The following ITPR1 variants were observed in gnomAD, a reference collection of about 807,000 sequenced individuals.
The protein encoded by ITPR1 is inositol 1,4,5-trisphosphate-gated calcium channel ITPR1.
In ITPR1, 96 loss-of-function variants were observed where a neutral mutation model predicts 318.4. The ratio of observed to expected loss-of-function variants is 0.30; its 90% CI spans 0.26 to 0.36. The LOEUF (loss-of-function observed/expected upper bound fraction) is 0.36, where lower values mean the gene tolerates loss of function less well. ITPR1 is among the 10% of genes least tolerant of loss of function. The pLI, the probability that ITPR1 is intolerant of heterozygous loss-of-function variation, is 1.00. For missense variants in ITPR1, 2,440 were observed against 3,460.2 expected, an observed-to-expected ratio of 0.71 and a Z score of 7.40; for synonymous variants, 1,312 against 1,289.9, an observed-to-expected ratio of 1.02 and a Z score of -0.37.
rs143058475 is a variant in ITPR1, at chr3:4,622,975, C to T, written c.164-4788C>T. Reference sequence around the variant, plus strand: ...AAAGTTCTAGCAGTGGGGAGGAGGGCATGGACACAGTGGGGTTTCTGCTGG... The same window carrying T: ...AAAGTTCTAGCAGTGGGGAGGAGGGTATGGACACAGTGGGGTTTCTGCTGG... On this transcript the variant is annotated intron_variant, in intron 4 of 61. Transcript: ENST00000649015. 8.6e-3 allele frequency among the ~76,000 whole-genome samples: 1,315 copies of T among 152,324 alleles called. 14 individuals are homozygous for T. The highest frequency in any genetic ancestry group is 0.017 in the Middle Eastern group (5 of 294).
At chr3:4,780,461 G>A (rs3805015) in intron 49 of ITPR1, among the ~76,000 whole-genome samples, 90,931 of 151,934 alleles carry the variant, frequency 0.6, 27,577 homozygotes, top group East Asian at 0.75. Context: ...GGTTGGGAGA[G>A]TGTTGCAGGC....
chr3:4,755,299 G>A (rs1214662069), intron 44 of ITPR1, among the ~76,000 whole-genome samples: 1 of 151,844 alleles, frequency 6.6e-6, no homozygotes, highest in African/African-American at 2.4e-5. Context: ...ATAGGGCAGA[G>A]CTTTCCCAGT....
intron 53 of ITPR1, among the ~76,000 whole-genome samples, chr3:4,797,066 A>T (rs2047946809): frequency 6.6e-6 from 1 of 152,016 alleles, no homozygotes; most frequent in South Asian, 2.1e-4. Flanking sequence ...GCAAGGATGC[A>T]TGGTTTGGAA....
At chr3:4,753,136 G>C (rs1273079750) in intron 44 of ITPR1, among the ~76,000 whole-genome samples, 7 of 152,238 alleles carry the variant, frequency 4.6e-5, no homozygotes, top group Admixed American at 3.3e-4. Flanking sequence ...TTGTGCTTGG[G>C]ATGTTGGAGG....
rs189931297 is a variant in ITPR1, at chr3:4,639,393, G to A, written c.289G>A (p.Asp97Asn). ...TCTTCTCAATGCACAGCACGCTGCA[G>A]ACTTGGAAAAGAAGCAGAATGAGAC... is the stretch of plus-strand genomic sequence containing the variant. ...VLLNKLHHAA[D>N]LEKKQNETEN... The change falls in exon 6 of 62, where the codon GAC becomes AAC. Residue 97 changes from aspartate to asparagine, a missense_variant. Physicochemically the swap from Asp to Asn is conservative, Grantham distance 23. Around this residue, in one of 23 missense-constraint regions of ITPR1, gnomAD observed 186 missense variants for 323.9 expected, o/e 0.57. Transcript: ENST00000649015. 6.4e-7 allele frequency: 1 copy of A among 1,568,098 alleles called. No individual in the cohort carries two copies. Among genetic ancestry groups the A allele is most frequent in the East Asian group, 2.4e-5 (1 of 42,342 alleles).
At chr3:4,781,465 G>A (rs1310090765) in intron 49 of ITPR1, among the ~76,000 whole-genome samples, 2 of 152,104 alleles carry the variant, frequency 1.3e-5, no homozygotes, top group African/African-American at 2.4e-5. Flanking sequence ...CCCAGTCCCC[G>A]CTCTCAAGAA....
At chr3:4,736,034 C>A (rs2043240370) in intron 44 of ITPR1, among the ~76,000 whole-genome samples, 1 of 152,164 alleles carries the variant, frequency 6.6e-6, no homozygotes, top group African/African-American at 2.4e-5. Flanking sequence ...CATCTTAGAA[C>A]ATGAATTTTA....
At chr3:4,686,331 A>G (rs977857156) in intron 30 of ITPR1, among the ~76,000 whole-genome samples, 1 of 152,210 alleles carries the variant, frequency 6.6e-6, no homozygotes, top group Non-Finnish European at 1.5e-5. Flanking sequence ...TTCGGTAGCT[A>G]TAAATAAAGT....
chr3:4,525,261 T>A (rs1299480155), intron 4 of ITPR1, among the ~76,000 whole-genome samples: 2 of 152,196 alleles, frequency 1.3e-5, no homozygotes, highest in Non-Finnish European at 2.9e-5. Context: ...CTTATCAAGA[T>A]AATATGCATA....
chr3:4,553,763 G>A lies in ITPR1; in HGVS notation c.163+32669G>A, dbSNP rs899360906. On this transcript the variant is annotated intron_variant, in intron 4 of 61. Coordinates refer to ENST00000649015, the MANE Select transcript of ITPR1 (RefSeq NM_001378452.1). ...TTACAGGTGCCCACCACCACGCCTG[G>A]CTAATTTTTGTATTTTTAGTAGAGA... 5.9e-5 allele frequency among the ~76,000 whole-genome samples: 9 copies of A among 152,196 alleles called. No individual in the cohort carries two copies. In the South Asian group the frequency reaches 1.9e-3, roughly 32 times the overall value.
chr3:4,545,452 G>C (rs557340459), intron 4 of ITPR1, among the ~76,000 whole-genome samples: 1 of 151,850 alleles, frequency 6.6e-6, no homozygotes, highest in Non-Finnish European at 1.5e-5. Context: ...GTGAGACTCC[G>C]TCTCTACAGA....
At chr3:4,684,069 T>C (rs544106443) in intron 28 of ITPR1, among the ~76,000 whole-genome samples, 1 of 152,332 alleles carries the variant, frequency 6.6e-6, no homozygotes, top group South Asian at 2.1e-4. Flanking sequence ...ACTTGGGAAT[T>C]GACCTGTTCT....
At chr3:4,529,058 G>A (rs1464311705) in intron 4 of ITPR1, among the ~76,000 whole-genome samples, 3 of 152,110 alleles carry the variant, frequency 2.0e-5, no homozygotes, top group Non-Finnish European at 2.9e-5. Context: ...CTGGATTGCT[G>A]CCTACTTGCT....
At chr3:4,517,246 G>C (rs369723508) in intron 3 of ITPR1, among the ~76,000 whole-genome samples, 1 of 152,182 alleles carries the variant, frequency 6.6e-6, no homozygotes, top group East Asian at 1.9e-4. Flanking sequence ...AGGTGAAATA[G>C]TCCCAAAGGC....
At chr3:4,822,365 A>C (rs1202751094) in intron 60 of ITPR1, among the ~76,000 whole-genome samples, 2 of 152,222 alleles carry the variant, frequency 1.3e-5, no homozygotes, top group African/African-American at 4.8e-5. Flanking sequence ...TGTCACTAAG[A>C]AAAGTCAGAG....
At chr3:4,566,486 G>A (rs939408551) in intron 4 of ITPR1, among the ~76,000 whole-genome samples, 1 of 152,056 alleles carries the variant, frequency 6.6e-6, no homozygotes, top group African/African-American at 2.4e-5. Flanking sequence ...TAAGGAATAG[G>A]TGGGTCAGTT....
intron 5 of ITPR1, among the ~76,000 whole-genome samples, chr3:4,632,317 A>T (rs991273923): frequency 7.9e-4 from 121 of 152,310 alleles, no homozygotes; most frequent in African/African-American, 2.9e-3. Flanking sequence ...AGATCTTATT[A>T]ATACATCTCC....
chr3:4,665,964 A>G (rs1046773705), intron 17 of ITPR1, among the ~76,000 whole-genome samples: 2 of 152,170 alleles, frequency 1.3e-5, no homozygotes, highest in African/African-American at 4.8e-5. Flanking sequence ...TGAGTTTTAT[A>G]ACTTCATGGT....
chr3:4,653,836 C>T lies in ITPR1; in HGVS notation c.952-6C>T. The T allele has an allele frequency of 1.2e-6, 2 of 1,604,802 alleles. No individual in the cohort carries two copies. Among genetic ancestry groups the T allele is most frequent in the Admixed American group, 1.7e-5 (1 of 59,462 alleles). ...TTTTAATTTCCTAATGATTCTTTTT[C>T]ATCAGGTAGACCCTGACTTTGAGGA... On this transcript the variant is annotated splice_polypyrimidine_tract_variant and splice_region_variant and intron_variant, in intron 11 of 61. Coordinates refer to ENST00000649015, the MANE Select transcript of ITPR1 (RefSeq NM_001378452.1).
Sources: gnomAD v4.1 joint callset for allele counts (sites outside exome capture counted in the v4.1 genomes callset) on GRCh38, gnomAD v4.1.1 for gene constraint, gnomAD v4.1.1 regional missense constraint, MANE v1.5 for transcripts, NCBI Gene and HGNC (gene_info 2026-07-23, HGNC 2026-07-21) for gene names.